CREBZF: variants seen among roughly 807,000 people sequenced by gnomAD.
CREBZF encodes CREB/ATF bZIP transcription factor, also known as HCF-binding transcription factor Zhangfei.
A neutral mutation model predicts 21.1 loss-of-function variants in CREBZF; 8 were observed. The observed-to-expected ratio is 0.38, with a 90% confidence interval of 0.22 to 0.68. CREBZF has a LOEUF of 0.68. CREBZF is among the 30% of genes least tolerant of loss of function. CREBZF has a pLI of 0.51. For synonymous variants in CREBZF, 270 were observed against 223.3 expected, an observed-to-expected ratio of 1.21 and a Z score of -1.86; for missense variants, 518 against 484.3, an observed-to-expected ratio of 1.07 and a Z score of -0.65.
At position 85,665,114 on chromosome 11, in the gene CREBZF, G is replaced by A. The variant is rs562471032; in HGVS notation, c.-239C>T. On this transcript the variant is annotated 5_prime_UTR_variant, in exon 1 of 1. Coordinates refer to ENST00000527447, the MANE Select transcript of CREBZF (RefSeq NM_001039618.4). Reference sequence around the variant, plus strand: ...GACTCGACCGCGCCACCCAGACAACGGCGTAGCCGGAAGTCAGTGGTTTTC... The same window carrying A: ...GACTCGACCGCGCCACCCAGACAACAGCGTAGCCGGAAGTCAGTGGTTTTC... 60 of 416,472 alleles carry A rather than the reference G, an allele frequency of 1.4e-4. 1 individual carries two copies. Among genetic ancestry groups the A allele is most frequent in the Admixed American group, 4.7e-4 (11 of 23,550 alleles). 25.8% of individuals were successfully genotyped at this position (416,472 alleles called of 1,614,324 possible). A position where few individuals can be genotyped will look rare whatever the true frequency, so the allele number is the denominator to read the frequency against.
chr11:85,682,601 CCTACT>C, intron 1 of CREBZF: 1 of 332,654 alleles, frequency 3.0e-6, no homozygotes, highest in South Asian at 2.9e-5. Context: ...TACCCCCTGC[CCTACT>C]CCCCCCAACG....
rs1196900128 is a variant in CREBZF, at chr11:85,660,280, G to A, written c.*3531C>T. 1.1e-5 allele frequency: 2 copies of A among 177,242 alleles called. No homozygotes were observed. The highest frequency in any genetic ancestry group is 2.4e-5 in the Non-Finnish European group (2 of 83,124). The allele number at this position is 177,242 out of a possible 1,614,324, so 11.0% of individuals were successfully genotyped here. On this transcript the variant is annotated 3_prime_UTR_variant, in exon 1 of 1. Coordinates refer to ENST00000527447, the MANE Select transcript of CREBZF (RefSeq NM_001039618.4). ...GATGAAATACTGTAATTCTCCAAAG[G>A]TTACAATTTTGTAAAGATATGCAAT... is the stretch of plus-strand genomic sequence containing the variant.
chr11:85,664,915 G>A lies in CREBZF; in HGVS notation c.-40C>T. On this transcript the variant is annotated 5_prime_UTR_variant, in exon 1 of 1. Coordinates refer to ENST00000527447, the MANE Select transcript of CREBZF (RefSeq NM_001039618.4). The surrounding 1 kb of genome is among the most constrained non-coding windows in gnomAD (Gnocchi z 5.5). ...GGCCGCGGTAGGCCCCGGCCGCTAA[G>A]AGTGGGCCTCACGGGCCCCAAGGAT... is the stretch of plus-strand genomic sequence containing the variant. 2.2e-6 allele frequency: 3 copies of A among 1,384,046 alleles called. No individual in the cohort carries two copies. Among genetic ancestry groups the A allele is most frequent in the South Asian group, 1.6e-5 (1 of 62,104 alleles). 85.7% of individuals were successfully genotyped at this position (1,384,046 alleles called of 1,614,324 possible).
rs2082633591 is a variant in CREBZF, at chr11:85,660,125, C to A, written c.*3686G>T. ...TGTCTGTCTGTACTCCAAATTAGCT[C>A]TCATGTTCCAGGAAATAAATACAAA... On this transcript the variant is annotated 3_prime_UTR_variant, in exon 1 of 1. Coordinates refer to ENST00000527447, the MANE Select transcript of CREBZF (RefSeq NM_001039618.4). The A allele has an allele frequency of 6.5e-6, 1 of 154,158 alleles. No homozygotes were observed. The highest frequency in any genetic ancestry group is 1.9e-4 in the East Asian group (1 of 5,214). 9.5% of individuals were successfully genotyped at this position (154,158 alleles called of 1,614,324 possible). A position where few individuals can be genotyped will look rare whatever the true frequency, so the allele number is the denominator to read the frequency against.
In CREBZF at chr11:85,663,915, C is replaced by T; in HGVS notation, c.961G>A (p.Asp321Asn). The T allele has an allele frequency of 6.2e-7, 1 of 1,613,708 alleles. No individual in the cohort carries two copies. Among genetic ancestry groups the T allele is most frequent in the Non-Finnish European group, 8.5e-7 (1 of 1,180,030 alleles). ...GKQKQDLLEE[D>N]DSAGGVCLHV... is the part of the protein sequence containing the mutation. ...AGACAGACTCCTCCCGCCGAGTCGTCCTCTTCCAGCAGGTCCTGCTTCTGC... is the reference window on the plus strand; with the variant it reads ...AGACAGACTCCTCCCGCCGAGTCGTTCTCTTCCAGCAGGTCCTGCTTCTGC... The change falls in exon 1 of 1, where the codon GAC (aspartate) becomes AAC (asparagine). Residue 321 changes from aspartate to asparagine, a missense_variant. Physicochemically the swap from Asp to Asn is conservative, Grantham distance 23. This residue lies in a region of CREBZF where 114 missense variants were observed against 134.1 expected (regional missense o/e 0.85). Transcript: ENST00000527447.
At position 85,658,515 on chromosome 11, in the gene CREBZF, A is replaced by T. The variant is rs989407496; in HGVS notation, c.*5296T>A. ...TGTTCAGAGGGCAGATATCTGCATTATTTAAGGACATTTAGTCATTTGTAG... is the reference window on the plus strand; with the variant it reads ...TGTTCAGAGGGCAGATATCTGCATTTTTTAAGGACATTTAGTCATTTGTAG... On this transcript the variant is annotated 3_prime_UTR_variant, in exon 1 of 1. Transcript: ENST00000527447. Among the ~76,000 whole-genome samples the T allele has an allele frequency of 6.6e-6, 1 of 152,070 alleles. No homozygotes were observed. Among genetic ancestry groups the T allele is most frequent in the East Asian group, 1.9e-4 (1 of 5,204 alleles).
Position 85,663,547 on chromosome 11 carries a change from G to A in CREBZF, c.*264C>T. 1 of 1,367,536 alleles carries A rather than the reference G, an allele frequency of 7.3e-7. No individual in the cohort carries two copies. Among genetic ancestry groups the A allele is most frequent in the Non-Finnish European group, 1.0e-6 (1 of 980,066 alleles). 84.7% of individuals were successfully genotyped at this position (1,367,536 alleles called of 1,614,324 possible). A position where few individuals can be genotyped will look rare whatever the true frequency, so the allele number is the denominator to read the frequency against. The stretch of plus-strand genomic sequence containing the variant: ...ACCAGGTTGTGAGGCGGGAACGACT[G>A]TTCTGTAACCCCTACAACGGAGCCT... On this transcript the variant is annotated 3_prime_UTR_variant, in exon 1 of 1. Coordinates refer to ENST00000527447, the MANE Select transcript of CREBZF (RefSeq NM_001039618.4).
upstream of CREBZF, among the ~76,000 whole-genome samples, chr11:85,668,890 T>C (rs1167880079): frequency 6.7e-6 from 1 of 149,686 alleles, no homozygotes; most frequent in Non-Finnish European, 1.5e-5. Flanking sequence ...TAGTCCCAGC[T>C]ACTCGGGAGG....
chr11:85,660,635 T>G lies in CREBZF; in HGVS notation c.*3176A>C, dbSNP rs2082647258. The stretch of plus-strand genomic sequence containing the variant: ...AAGAGAGAGAGATTAATTTAGTGAT[T>G]ATAAAATGCACAAATATTTAAAATA... On this transcript the variant is annotated 3_prime_UTR_variant, in exon 1 of 1. Coordinates refer to ENST00000527447, the MANE Select transcript of CREBZF (RefSeq NM_001039618.4). 1 of 452,012 alleles carries G rather than the reference T, an allele frequency of 2.2e-6. No homozygotes were observed. Among genetic ancestry groups the G allele is most frequent in the African/African-American group, 2.0e-5 (1 of 49,716 alleles). The allele number at this position is 452,012 out of a possible 1,614,324, so 28.0% of individuals were successfully genotyped here. A position where few individuals can be genotyped will look rare whatever the true frequency, so the allele number is the denominator to read the frequency against.
At chr11:85,666,785 A>G (rs985027949), upstream of CREBZF, among the ~76,000 whole-genome samples, 3 of 152,358 alleles carry the variant, frequency 2.0e-5, no homozygotes, top group East Asian at 5.8e-4. Flanking sequence ...ACTAAAGCTC[A>G]CCTGAATGAA....
chr11:85,664,739 G>T lies in CREBZF; in HGVS notation c.137C>A (p.Ala46Glu). ...CTTGCGGCCGGGAGATCCGGCCGCC[G>T]CCGTCTCCTCCTCCCCCGCTGCAGC... ...TRAAAGEEET[A>E]AAGSPGRKQQ... The change falls in exon 1 of 1, where the codon GCG becomes GAG. Residue 46 changes from alanine to glutamate, a missense_variant. Around this residue, in one of 3 missense-constraint regions of CREBZF, gnomAD observed 396 missense variants for 324.4 expected, o/e 1.22. Transcript: ENST00000527447. This position sits in a 1 kb window ranked among gnomAD's most constrained non-coding sequence, Gnocchi z 5.5. The T allele has an allele frequency of 6.2e-7, 1 of 1,607,908 alleles. No homozygotes were observed. Among genetic ancestry groups the T allele is most frequent in the Non-Finnish European group, 8.5e-7 (1 of 1,178,338 alleles).
intron 1 of CREBZF, among the ~76,000 whole-genome samples, chr11:85,670,169 G>A (rs992232672): frequency 5.9e-5 from 9 of 151,682 alleles, no homozygotes; most frequent in African/African-American, 2.2e-4. Flanking sequence ...AATCCTGAAA[G>A]TTTCTAGCAA....
At position 85,664,865 on chromosome 11, in the gene CREBZF, C is replaced by T. The variant is rs750644179; in HGVS notation, c.11G>A (p.Ser4Asn). MRH[S>N]LTKLLAASGS... ...CGAGGCTGCCAGCAGCTTGGTCAGG[C>T]TATGCCTCATGAGGGCCAGCGGCGG... Residue 4 changes from serine to asparagine, a missense_variant, in exon 1 of 1, where the codon AGC becomes AAC. Physicochemically the swap from Ser to Asn is conservative, Grantham distance 46. Transcript: ENST00000527447. The surrounding 1 kb of genome is among the most constrained non-coding windows in gnomAD (Gnocchi z 5.5). The T allele has an allele frequency of 6.8e-5, 102 of 1,501,066 alleles. No homozygotes were observed. The highest frequency in any genetic ancestry group is 2.5e-4 in the Middle Eastern group (1 of 3,976). 93.0% of individuals were successfully genotyped at this position (1,501,066 alleles called of 1,614,324 possible). A position where few individuals can be genotyped will look rare whatever the true frequency, so the allele number is the denominator to read the frequency against.
chr11:85,664,936 A>G lies in CREBZF; in HGVS notation c.-61T>C, dbSNP rs1327776840. The G allele has an allele frequency of 8.1e-6, 10 of 1,239,846 alleles. No individual in the cohort carries two copies. The highest frequency in any genetic ancestry group is 9.5e-6 in the Non-Finnish European group (9 of 942,488). 76.8% of individuals were successfully genotyped at this position (1,239,846 alleles called of 1,614,324 possible). A position where few individuals can be genotyped will look rare whatever the true frequency, so the allele number is the denominator to read the frequency against. On this transcript the variant is annotated 5_prime_UTR_variant, in exon 1 of 1. Transcript: ENST00000527447. This position sits in a 1 kb window ranked among gnomAD's most constrained non-coding sequence, Gnocchi z 5.5. ...CTAAGAGTGGGCCTCACGGGCCCCA[A>G]GGATCCCAGGCCCCAGGGCGGGTAG...
At chr11:85,679,594 G>A (rs1317847962) in intron 1 of CREBZF, among the ~76,000 whole-genome samples, 1 of 152,068 alleles carries the variant, frequency 6.6e-6, no homozygotes, top group Non-Finnish European at 1.5e-5. Flanking sequence ...AAGAAAACCG[G>A]CTCTCTAAAA....
rs1174064112 is a variant in CREBZF at position 85,658,063 on chromosome 11, C to A, written c.*5748G>T. Among the ~76,000 whole-genome samples the A allele has an allele frequency of 6.6e-6, 1 of 151,958 alleles. No individual in the cohort carries two copies. The highest frequency in any genetic ancestry group is 1.5e-5 in the Non-Finnish European group (1 of 67,852). On this transcript the variant is annotated 3_prime_UTR_variant, in exon 1 of 1. Coordinates refer to ENST00000527447, the MANE Select transcript of CREBZF (RefSeq NM_001039618.4). ...AAGATGAAAAGCTCTGATCCCAAAT[C>A]ATCCATTTTACCTATATTCTGTCAC...
In CREBZF at chr11:85,664,312, C is replaced by A; in HGVS notation, c.564G>T (p.Lys188Asn). ...DSGSAEKRRR[K>N]SPGGGGGGGS... ...CGCCACCGCCGCCTCCTCCTGGGGA[C>A]TTTCTCCGCCTCTTTTCGGCGCTGC... Residue 188 changes from lysine to asparagine, a missense_variant, in exon 1 of 1, where the codon AAG (lysine) becomes AAT (asparagine). Physicochemically the swap from Lys to Asn is moderately conservative, Grantham distance 94 (BLOSUM62 0). This residue lies in a region of CREBZF where 396 missense variants were observed against 324.4 expected (regional missense o/e 1.22). Coordinates refer to ENST00000527447, the MANE Select transcript of CREBZF (RefSeq NM_001039618.4). This position sits in a 1 kb window ranked among gnomAD's most constrained non-coding sequence, Gnocchi z 5.5. The A allele has an allele frequency of 6.2e-7, 1 of 1,612,046 alleles. No homozygotes were observed. Among genetic ancestry groups the A allele is most frequent in the Non-Finnish European group, 8.5e-7 (1 of 1,179,398 alleles).
At position 85,660,576 on chromosome 11, in the gene CREBZF, C is replaced by A; in HGVS notation, c.*3235G>T. 2.2e-6 allele frequency: 1 copy of A among 454,342 alleles called. No homozygotes were observed. The highest frequency in any genetic ancestry group is 1.6e-5 in the South Asian group (1 of 64,310). The allele number at this position is 454,342 out of a possible 1,614,324, so 28.1% of individuals were successfully genotyped here. The stretch of plus-strand genomic sequence containing the variant: ...AGTTAACAGGTTGTAGGAAAAGATT[C>A]GTTTTTGCAGACACTGCTAAGCTGT... On this transcript the variant is annotated 3_prime_UTR_variant, in exon 1 of 1. Coordinates refer to ENST00000527447, the MANE Select transcript of CREBZF (RefSeq NM_001039618.4).
chr11:85,670,428 C>T (rs1170742037), intron 1 of CREBZF, among the ~76,000 whole-genome samples: 7 of 150,764 alleles, frequency 4.6e-5, no homozygotes, highest in Non-Finnish European at 7.4e-5. Context: ...CTCAGCCTAC[C>T]GAGTGGCTGG....
Sources: allele counts gnomAD v4.1 joint callset (sites outside exome capture counted in the v4.1 genomes callset), GRCh38; gene constraint gnomAD v4.1.1; regional missense constraint gnomAD v4.1.1; non-coding constraint Gnocchi (gnomAD v3.1); transcripts MANE v1.5; gene names NCBI Gene and HGNC (gene_info 2026-07-23, HGNC 2026-07-21).